EEF2K: variants seen among roughly 807,000 people sequenced by gnomAD.
EEF2K encodes eukaryotic elongation factor 2 kinase, also known as alternative protein EEF2K.
Under a neutral mutation model 93.8 loss-of-function variants are expected in EEF2K, and 70 were observed. The observed-to-expected ratio is 0.75, with a 90% CI of 0.62 to 0.91. EEF2K has a LOEUF of 0.91. Among genes scored for constraint, EEF2K ranks in the 40% least tolerant of loss-of-function variants. The pLI is 0.00. For missense variants in EEF2K, 935 were observed against 972.9 expected, an observed-to-expected ratio of 0.96 and a Z score of 0.52; for synonymous variants, 376 against 380.8, an observed-to-expected ratio of 0.99 and a Z score of 0.15.
chr16:22,221,840 C>T (rs1225927350), intron 1 of EEF2K, among the ~76,000 whole-genome samples: 1 of 152,028 alleles, frequency 6.6e-6, no homozygotes, highest in Non-Finnish European at 1.5e-5. Context: ...GAGGCCAAGA[C>T]GGGCAGATCA....
chr16:22,233,247 C>T (rs911261518), intron 2 of EEF2K, among the ~76,000 whole-genome samples: 4 of 152,152 alleles, frequency 2.6e-5, no homozygotes, highest in Non-Finnish European at 4.4e-5. Context: ...ACCAGGGCAG[C>T]AGGAATTGTC....
At chr16:22,254,844 G>C (rs1187669543) in intron 6 of EEF2K, among the ~76,000 whole-genome samples, 3 of 152,016 alleles carry the variant, frequency 2.0e-5, no homozygotes, top group South Asian at 2.1e-4. Context: ...GGGGTGGGGG[G>C]GCGGATCACT....
intron 1 of EEF2K, among the ~76,000 whole-genome samples, chr16:22,208,879 G>A (rs911392419): frequency 2.6e-5 from 4 of 152,248 alleles, no homozygotes; most frequent in African/African-American, 9.6e-5. Flanking sequence ...CTTACCATTC[G>A]GTAGGGCCAC....
At chr16:22,211,835 A>G (rs958212632) in intron 1 of EEF2K, among the ~76,000 whole-genome samples, 1 of 152,046 alleles carries the variant, frequency 6.6e-6, no homozygotes, top group African/African-American at 2.4e-5. Flanking sequence ...TTACTCGTTC[A>G]TTCATGCAGC....
intron 3 of EEF2K, among the ~76,000 whole-genome samples, chr16:22,247,455 A>G (rs2047307074): frequency 6.6e-6 from 1 of 151,806 alleles, no homozygotes; most frequent in Non-Finnish European, 1.5e-5. Flanking sequence ...CAAAAAAAAA[A>G]AAAAATTCTC....
At chr16:22,216,723 G>T (rs79386260) in intron 1 of EEF2K, among the ~76,000 whole-genome samples, 1 of 152,020 alleles carries the variant, frequency 6.6e-6, no homozygotes, top group African/African-American at 2.4e-5. Context: ...GCAAGATGCC[G>T]TCTGTAATAA....
At chr16:22,268,081 A>G in intron 15 of EEF2K, among the ~76,000 whole-genome samples, 1 of 152,148 alleles carries the variant, frequency 6.6e-6, no homozygotes, top group Non-Finnish European at 1.5e-5. Flanking sequence ...AATGGATCTC[A>G]GACTCGAGGG....
chr16:22,211,252 C>T (rs1430647099), intron 1 of EEF2K, among the ~76,000 whole-genome samples: 1 of 152,106 alleles, frequency 6.6e-6, no homozygotes, highest in Non-Finnish European at 1.5e-5. Context: ...AAGTAATTTC[C>T]CCCAGCATTC....
At chr16:22,208,858 T>A (rs1437763126) in intron 1 of EEF2K, among the ~76,000 whole-genome samples, 3 of 152,180 alleles carry the variant, frequency 2.0e-5, no homozygotes, top group African/African-American at 7.2e-5. Context: ...GGATGAATTT[T>A]CCTAGGCTTC....
chr16:22,257,129 T>A, intron 7 of EEF2K, 124 bp from the exon 8 acceptor site: 2 of 1,523,010 alleles, frequency 1.3e-6, no homozygotes, highest in Non-Finnish European at 1.8e-6. Context: ...CCTTTTTCCT[T>A]TGTCTTTTCC....
rs371265228 is a variant in EEF2K, at chr16:22,250,710, C to T, written c.446+19C>T. On this transcript the variant is annotated intron_variant, in intron 5 of 17. Coordinates refer to ENST00000263026, the MANE Select transcript of EEF2K (RefSeq NM_013302.5). ...TCCGGACGTAAGTGACTCAGCCTGG[C>T]TCTTGGGGCCCTGCCCAGAGTCCCC... The T allele has an allele frequency of 8.1e-6, 13 of 1,613,998 alleles. No individual in the cohort carries two copies. Among genetic ancestry groups the T allele is most frequent in the Non-Finnish European group, 1.1e-5 (13 of 1,180,036 alleles).
chr16:22,237,912 G>A (rs1445096412), intron 2 of EEF2K, among the ~76,000 whole-genome samples: 1 of 152,126 alleles, frequency 6.6e-6, no homozygotes. Flanking sequence ...GTATTGATTT[G>A]TGGGTTTCCG....
chr16:22,220,305 G>A (rs540934674), intron 1 of EEF2K, among the ~76,000 whole-genome samples: 1 of 152,370 alleles, frequency 6.6e-6, no homozygotes, highest in African/African-American at 2.4e-5. Flanking sequence ...CAGGGCCGAG[G>A]AGAACGTCAG....
Position 22,266,694 on chromosome 16 carries a change from C to G in EEF2K, c.1582C>G (p.Leu528Val). 3 of 1,607,760 alleles carry G rather than the reference C, an allele frequency of 1.9e-6. No homozygotes were observed. Among genetic ancestry groups the G allele is most frequent in the South Asian group, 2.2e-5 (2 of 89,880 alleles). The change falls in exon 15 of 18, where the codon CTG becomes GTG. Residue 528 changes from leucine to valine, a missense_variant. By Grantham distance (32) the Leu-to-Val change is conservative. Coordinates refer to ENST00000263026, the MANE Select transcript of EEF2K (RefSeq NM_013302.5). ...ACCGTAGTCTGTGTGGCAGGTCCAT[C>G]TGGCCATGGTGCGCTACCACGAGGG... ...IGKSILGKVHLAMVRYHEGGR... is the reference protein window; with the variant it reads ...IGKSILGKVHVAMVRYHEGGR...
chr16:22,266,265 G>T, intron 13 of EEF2K, 125 bp from the exon 14 acceptor site: 5 of 1,313,752 alleles, frequency 3.8e-6, no homozygotes, highest in African/African-American at 1.5e-5. Context: ...AATAAACTTT[G>T]ACATCGTGAG....
chr16:22,247,175 T>A (rs929132618), intron 3 of EEF2K, among the ~76,000 whole-genome samples: 1 of 150,014 alleles, frequency 6.7e-6, no homozygotes, highest in Non-Finnish European at 1.5e-5. Context: ...GCGCAGTGGC[T>A]AACGCCTGTA....
At chr16:22,271,267 G>C (rs1259337405) in intron 15 of EEF2K, among the ~76,000 whole-genome samples, 1 of 151,968 alleles carries the variant, frequency 6.6e-6, no homozygotes, top group East Asian at 1.9e-4. Flanking sequence ...ACCACACCCG[G>C]CCTTTCTCTG....
At chr16:22,241,722 T>C (rs1466181546) in intron 2 of EEF2K, among the ~76,000 whole-genome samples, 1 of 148,820 alleles carries the variant, frequency 6.7e-6, no homozygotes, top group Non-Finnish European at 1.5e-5. Context: ...TGGTATATGG[T>C]GGATTTGACT....
intron 1 of EEF2K, among the ~76,000 whole-genome samples, chr16:22,211,752 C>T (rs1025393789): frequency 2.4e-4 from 36 of 152,098 alleles, no homozygotes; most frequent in African/African-American, 5.8e-4. Flanking sequence ...GGTCAACCAC[C>T]GTGCCCAGCC....
Sources: allele counts gnomAD v4.1 joint callset (sites outside exome capture counted in the v4.1 genomes callset), GRCh38; gene constraint gnomAD v4.1.1; transcripts MANE v1.5; gene names NCBI Gene and HGNC (gene_info 2026-07-23, HGNC 2026-07-21).